The following DCC variants were observed in gnomAD, a reference collection of about 807,000 sequenced individuals.
DCC encodes the protein netrin receptor DCC.
In DCC, 58 loss-of-function variants were observed where a neutral mutation model predicts 172.5. That is an observed-to-expected ratio of 0.34 (90% CI 0.27 to 0.42). The LOEUF (loss-of-function observed/expected upper bound fraction) is 0.42, where lower values mean the gene tolerates loss of function less well. Among genes scored for constraint, DCC ranks in the 10% least tolerant of loss-of-function variants. The probability of loss-of-function intolerance (pLI) is 1.00; values close to 1 mark genes in which losing one functional copy is unlikely to be tolerated. For missense variants in DCC, 1,740 were observed against 1,791.0 expected, an observed-to-expected ratio of 0.97 and a Z score of 0.51; for synonymous variants, 709 against 644.5, an observed-to-expected ratio of 1.10 and a Z score of -1.52.
At chr18:52,600,522 C>G (rs2033995377) in intron 1 of DCC, among the ~76,000 whole-genome samples, 1 of 152,120 alleles carries the variant, frequency 6.6e-6, no homozygotes, top group African/African-American at 2.4e-5. Flanking sequence ...AGAATTAGCT[C>G]ATCAAGTTGC....
intron 2 of DCC, among the ~76,000 whole-genome samples, chr18:52,839,333 G>A (rs1414017058): frequency 1.3e-5 from 2 of 152,128 alleles, no homozygotes; most frequent in Non-Finnish European, 2.9e-5. Flanking sequence ...CACAATAAAA[G>A]GTTGCAGCTA....
chr18:52,343,429 T>C (rs1983744026), intron 1 of DCC, among the ~76,000 whole-genome samples: 1 of 152,182 alleles, frequency 6.6e-6, no homozygotes. Flanking sequence ...CTTTCCCACT[T>C]TCTAGGTAAA....
At chr18:53,380,711 C>T (rs60658082) in intron 15 of DCC, among the ~76,000 whole-genome samples, 69,300 of 151,590 alleles carry the variant, frequency 0.46, 16,739 homozygotes, top group Non-Finnish European at 0.54. Flanking sequence ...TTTAGAAAAA[C>T]CATTGACCTT....
At chr18:53,308,022 T>G (rs1414156278) in intron 13 of DCC, among the ~76,000 whole-genome samples, 1 of 149,402 alleles carries the variant, frequency 6.7e-6, no homozygotes, top group Non-Finnish European at 1.5e-5. Flanking sequence ...TTCATAAAGA[T>G]ATGACCCAGG....
intron 1 of DCC, among the ~76,000 whole-genome samples, chr18:52,594,458 G>C (rs537720604): frequency 3.7e-4 from 56 of 152,176 alleles, no homozygotes; most frequent in Middle Eastern, 3.4e-3. Context: ...GCCTTATACT[G>C]CCTATTGGAG....
chr18:52,970,558 G>A (rs923992824), intron 5 of DCC, among the ~76,000 whole-genome samples: 3 of 152,042 alleles, frequency 2.0e-5, no homozygotes, highest in African/African-American at 4.8e-5. Context: ...TTAGAATATG[G>A]TATAAATAAA....
Position 52,838,420 on chromosome 18 carries a change from T to G in DCC, c.413-67624T>G, listed in dbSNP as rs1465322382. Among the ~76,000 whole-genome samples the G allele has an allele frequency of 3.9e-5, 6 of 152,306 alleles. No individual in the cohort carries two copies. In the East Asian group the frequency reaches 9.6e-4, roughly 24 times the overall value. ...TTGTTCAGGATAATACTTGCATGTATTAGTATGAAAAAATTCTACAGTTGT... is the reference window on the plus strand; with the variant it reads ...TTGTTCAGGATAATACTTGCATGTAGTAGTATGAAAAAATTCTACAGTTGT... On this transcript the variant is annotated intron_variant, in intron 2 of 28. Coordinates refer to ENST00000442544, the MANE Select transcript of DCC (RefSeq NM_005215.4).
At chr18:52,549,923 G>A (rs1014920403) in intron 1 of DCC, among the ~76,000 whole-genome samples, 1 of 151,684 alleles carries the variant, frequency 6.6e-6, no homozygotes, top group African/African-American at 2.4e-5. Flanking sequence ...TCTCAATGAG[G>A]TAGAGCATGA....
chr18:52,915,197 A>G (rs1259773219), intron 3 of DCC, among the ~76,000 whole-genome samples: 1 of 152,130 alleles, frequency 6.6e-6, no homozygotes, highest in Non-Finnish European at 1.5e-5. Context: ...TTCCTAAATA[A>G]CTGTTTAGGG....
chr18:52,676,165 C>T (rs28393071), intron 1 of DCC, among the ~76,000 whole-genome samples: 6,664 of 152,204 alleles, frequency 0.044, 509 homozygotes, highest in African/African-American at 0.15. Flanking sequence ...TCCACAGAGG[C>T]GGAAATGGAT....
At chr18:53,241,778 G>A (rs2056298356) in intron 12 of DCC, among the ~76,000 whole-genome samples, 1 of 152,142 alleles carries the variant, frequency 6.6e-6, no homozygotes, top group Non-Finnish European at 1.5e-5. Context: ...AGTCTGGTAT[G>A]GGGAAGGCAG....
intron 5 of DCC, among the ~76,000 whole-genome samples, chr18:53,037,125 T>A (rs1394093347): frequency 6.6e-6 from 1 of 151,908 alleles, no homozygotes; most frequent in Non-Finnish European, 1.5e-5. Context: ...AAAGAGGCAT[T>A]GTCAACTCAG....
At chr18:52,926,838 C>T (rs1041280761) in intron 5 of DCC, among the ~76,000 whole-genome samples, 53 of 141,010 alleles carry the variant, frequency 3.8e-4, no homozygotes, top group East Asian at 2.7e-3. Flanking sequence ...TATACATACA[C>T]ACACACACAT....
chr18:53,160,750 A>G (rs1248322102), intron 8 of DCC, among the ~76,000 whole-genome samples: 1 of 152,068 alleles, frequency 6.6e-6, no homozygotes, highest in Non-Finnish European at 1.5e-5. Flanking sequence ...CAAATCTCCA[A>G]CACCTTCCGC....
chr18:52,735,664 G>A (rs1378571693), intron 1 of DCC, among the ~76,000 whole-genome samples: 1 of 152,002 alleles, frequency 6.6e-6, no homozygotes, highest in African/African-American at 2.4e-5. Context: ...TGATGTTCAG[G>A]GGCAGGAAGC....
intron 8 of DCC, among the ~76,000 whole-genome samples, chr18:53,176,039 C>G (rs1481971803): frequency 4.7e-5 from 7 of 149,592 alleles, no homozygotes; most frequent in African/African-American, 7.4e-5. Flanking sequence ...CTACAACTAT[C>G]TGATCTTTGA....
chr18:53,268,148 A>G (rs2056703995), intron 12 of DCC, among the ~76,000 whole-genome samples: 1 of 152,126 alleles, frequency 6.6e-6, no homozygotes, highest in South Asian at 2.1e-4. Flanking sequence ...AGCCAAAAAC[A>G]AGATTAATAT....
At chr18:52,424,032 A>C (rs1331810636) in intron 1 of DCC, among the ~76,000 whole-genome samples, 1 of 152,088 alleles carries the variant, frequency 6.6e-6, no homozygotes, top group African/African-American at 2.4e-5. Flanking sequence ...AGGGTGGTGC[A>C]AGTTCAGTAG....
At position 53,485,016 on chromosome 18, in the gene DCC, G is replaced by A. The variant is rs184833365; in HGVS notation, c.3737-1781G>A. On this transcript the variant is annotated intron_variant, in intron 25 of 28. Transcript: ENST00000442544. ...GGGGAGAGGAAATGGGGAGATGTAG[G>A]CCAAAGAATGCAAAATAGCAGACAT... is the stretch of plus-strand genomic sequence containing the variant. Among the ~76,000 whole-genome samples the A allele has an allele frequency of 3.0e-3, 463 of 152,060 alleles. 2 individuals carry two copies. Among genetic ancestry groups the A allele is most frequent in the South Asian group, 0.017 (82 of 4,808 alleles).
Sources: allele counts gnomAD v4.1 joint callset (sites outside exome capture counted in the v4.1 genomes callset), GRCh38; gene constraint gnomAD v4.1.1; transcripts MANE v1.5; gene names NCBI Gene and HGNC (gene_info 2026-07-23, HGNC 2026-07-21).